The following HMCN2 variants were observed in gnomAD, a reference collection of about 807,000 sequenced individuals.
HMCN2 encodes the protein hemicentin-2.
In HMCN2, 325 loss-of-function variants were observed where a neutral mutation model predicts 377.5. The observed-to-expected ratio is 0.86, with a 90% CI of 0.79 to 0.94. The LOEUF (loss-of-function observed/expected upper bound fraction) is 0.94, where lower values mean the gene tolerates loss of function less well. Ranked by LOEUF, HMCN2 falls within the 40% of genes least tolerant of loss-of-function variation. The pLI, the probability that HMCN2 is intolerant of heterozygous loss-of-function variation, is 0.00. For missense variants in HMCN2, 4,543 were observed against 4,725.3 expected (o/e 0.96, Z 1.13); for synonymous variants, 2,007 against 2,046.8 (o/e 0.98, Z 0.53).
intron 2 of HMCN2, 85 bp downstream of exon 2, chr9:130,284,758 C>T: frequency 2.2e-6 from 1 of 459,464 alleles, no homozygotes; most frequent in Admixed American, 2.4e-5. Flanking sequence ...GAGTGATTCC[C>T]TCTTGCCCAG....
In HMCN2 at chr9:130,433,882, G is replaced by A. The variant is rs1844928437; in HGVS notation, c.*189G>A. 2 of 539,730 alleles carry A rather than the reference G, an allele frequency of 3.7e-6. No homozygotes were observed. The highest frequency in any genetic ancestry group is 4.0e-5 in the African/African-American group (2 of 49,646). The allele number at this position is 539,730 out of a possible 1,614,324, so 33.4% of individuals were successfully genotyped here. A position where few individuals can be genotyped will look rare whatever the true frequency, so the allele number is the denominator to read the frequency against. On this transcript the variant is annotated 3_prime_UTR_variant, in exon 98 of 98. Coordinates refer to ENST00000683500, the MANE Select transcript of HMCN2 (RefSeq NM_001291815.2). The stretch of plus-strand genomic sequence containing the variant: ...CCGACAGCGAGGACCTGACCTCACA[G>A]AGGGAGGCGTCCAGGGCGGCCCTTG...
In HMCN2 at chr9:130,374,665, G is replaced by A. The variant is rs1182107772; in HGVS notation, c.7602G>A (p.Lys2534=). Reference sequence around the variant, plus strand: ...TTGCAGCCAACGCTGTTGGGGAGAAGACCAAACACTTCCAGCTCAGTGTCC... The same window carrying A: ...TTGCAGCCAACGCTGTTGGGGAGAAAACCAAACACTTCCAGCTCAGTGTCC... ...SCIAANAVGE[K]TKHFQLSVLL... is the part of the protein sequence containing the mutation. Residue 2534 remains lysine (K), a synonymous_variant, in exon 49 of 98, where the codon AAG becomes AAA. Coordinates refer to ENST00000683500, the MANE Select transcript of HMCN2 (RefSeq NM_001291815.2). The A allele has an allele frequency of 1.0e-6, 1 of 985,650 alleles. No individual in the cohort carries two copies. Among genetic ancestry groups the A allele is most frequent in the Non-Finnish European group, 1.2e-6 (1 of 829,946 alleles). The allele number at this position is 985,650 out of a possible 1,614,324, so 61.1% of individuals were successfully genotyped here.
intron 83 of HMCN2, 79 bp from the exon 84 acceptor site, chr9:130,408,664 C>G: frequency 9.4e-7 from 1 of 1,061,582 alleles, no homozygotes; most frequent in African/African-American, 1.6e-5. Flanking sequence ...AGGAGTTGGG[C>G]AGTCCTTTGG....
At position 130,418,965 on chromosome 9, in the gene HMCN2, G is replaced by C; in HGVS notation, c.13155G>C (p.Gly4385=). The C allele has an allele frequency of 6.5e-7, 1 of 1,530,706 alleles. No homozygotes were observed. The highest frequency in any genetic ancestry group is 8.8e-7 in the Non-Finnish European group (1 of 1,136,504). 94.8% of individuals were successfully genotyped at this position (1,530,706 alleles called of 1,614,324 possible). ...GSLWLENVET[G]DAGTYDCVAH... is the part of the protein sequence containing the mutation. ...TGTGGCTGGAGAACGTGGAGACTGG[G>C]GATGCAGGCACCTACGACTGCGTCG... The change falls in exon 86 of 98, where the codon GGG becomes GGC. Residue 4385 remains glycine, a synonymous_variant. Transcript: ENST00000683500.
intron 43 of HMCN2, among the ~76,000 whole-genome samples, chr9:130,367,958 A>G (rs1010797952): frequency 6.9e-6 from 1 of 143,988 alleles, no homozygotes; most frequent in African/African-American, 2.6e-5. Context: ...AAAAAAAAAA[A>G]AAAAAGGGAT....
chr9:130,343,472 GCT>G (rs1403174636), intron 25 of HMCN2, among the ~76,000 whole-genome samples: 2 of 152,182 alleles, frequency 1.3e-5, no homozygotes, highest in Non-Finnish European at 2.9e-5. Context: ...CTGGGTGGGA[GCT>G]CTGGGAGCCC....
At chr9:130,312,283 C>T (rs1837286050) in intron 15 of HMCN2, among the ~76,000 whole-genome samples, 3 of 151,820 alleles carry the variant, frequency 2.0e-5, no homozygotes, top group East Asian at 2.0e-4. Context: ...CAAAATGAGA[C>T]GTTGTGTGAG....
At chr9:130,370,694 G>C (rs1181590218) in intron 45 of HMCN2, among the ~76,000 whole-genome samples, 2 of 152,192 alleles carry the variant, frequency 1.3e-5, no homozygotes, top group Non-Finnish European at 2.9e-5. Flanking sequence ...GCACTTTCAC[G>C]TGTTCCTGTT....
intron 81 of HMCN2, among the ~76,000 whole-genome samples, chr9:130,405,320 A>T (rs1050482225): frequency 5.9e-5 from 9 of 152,220 alleles, no homozygotes; most frequent in Non-Finnish European, 1.5e-5. Flanking sequence ...GGGCTCAGGG[A>T]TACGGTGATG....
At position 130,433,447 on chromosome 9, in the gene HMCN2, C is replaced by A; in HGVS notation, c.14994C>A (p.His4998Gln). The change falls in exon 98 of 98, where the codon CAC becomes CAA. Residue 4998 changes from histidine (H) to glutamine (Q), a missense_variant. Coordinates refer to ENST00000683500, the MANE Select transcript of HMCN2 (RefSeq NM_001291815.2). Reference protein sequence around the residue: ...LPLPLGVRAHHDVARLTAFSE... With the variant: ...LPLPLGVRAHQDVARLTAFSE... ...TGCCCCTGGGCGTGCGCGCCCACCA[C>A]GACGTGGCCCGCCTCACCGCCTTCT... is the stretch of plus-strand genomic sequence containing the variant. 3 of 1,498,210 alleles carry A rather than the reference C, an allele frequency of 2.0e-6. No individual in the cohort carries two copies. Among genetic ancestry groups the A allele is most frequent in the Non-Finnish European group, 2.7e-6 (3 of 1,131,682 alleles). The allele number at this position is 1,498,210 out of a possible 1,614,324, so 92.8% of individuals were successfully genotyped here.
In HMCN2 at chr9:130,364,937, G is replaced by A. The variant is rs934885442; in HGVS notation, c.6408+48G>A. ...AAGCAGGCCTCCACCTCGGCCCAAG[G>A]GCAGGGTGGGGCCTGCAGGTGCCCC... On this transcript the variant is annotated intron_variant, in intron 41 of 97. Transcript: ENST00000683500. The A allele has an allele frequency of 1.4e-5, 14 of 973,460 alleles. No individual in the cohort carries two copies. The Admixed American group carries it at 3.1e-4, about 21-fold the overall frequency. 60.3% of individuals were successfully genotyped at this position (973,460 alleles called of 1,614,324 possible). A position where few individuals can be genotyped will look rare whatever the true frequency, so the allele number is the denominator to read the frequency against.
rs993655349 is a variant in HMCN2, at chr9:130,347,523, G to C, written c.4024+163G>C. On this transcript the variant is annotated intron_variant, in intron 26 of 97. Transcript: ENST00000683500. The surrounding 1 kb of genome is among the most constrained non-coding windows in gnomAD (Gnocchi z 5.1). ...GGTGTGGCAGTGCCAGTTCCCCGGG[G>C]CCTGAAAGCTTCCTACACAGGAGAA... is the stretch of plus-strand genomic sequence containing the variant. Among the ~76,000 whole-genome samples the C allele has an allele frequency of 0.11, 17,201 of 152,214 alleles. 1,066 individuals are homozygous for C. Among genetic ancestry groups the C allele is most frequent in the East Asian group, 0.19 (996 of 5,174 alleles).
chr9:130,348,501 TA>T, intron 26 of HMCN2, 43 bp from the exon 27 acceptor site: 1 of 1,297,366 alleles, frequency 7.7e-7, no homozygotes, highest in Non-Finnish European at 1.0e-6. Flanking sequence ...GCTGTGGCTC[TA>T]AGGGGGCAGG....
intron 1 of HMCN2, among the ~76,000 whole-genome samples, chr9:130,269,638 G>A (rs1554920406): frequency 6.7e-6 from 1 of 148,604 alleles, no homozygotes; most frequent in African/African-American, 2.4e-5. Flanking sequence ...TCAATTGCTA[G>A]TGAGGTTCAA....
rs1844310018 is a variant in HMCN2, at chr9:130,425,791, C to T, written c.13746C>T (p.His4582=). 2 of 1,550,570 alleles carry T rather than the reference C, an allele frequency of 1.3e-6. No homozygotes were observed. The highest frequency in any genetic ancestry group is 2.4e-5 in the South Asian group (2 of 84,060). Residue 4582 remains histidine (H), a synonymous_variant, in exon 90 of 98, where the codon CAC becomes CAT. Coordinates refer to ENST00000683500, the MANE Select transcript of HMCN2 (RefSeq NM_001291815.2). ...GGLPSFLRCN[H]SIQYNAARGP... ...TCCCCTCGTTCCTACGCTGCAACCACAGCATCCAGTACAACGCGGCCCGGG... is the reference window on the plus strand; with the variant it reads ...TCCCCTCGTTCCTACGCTGCAACCATAGCATCCAGTACAACGCGGCCCGGG...
chr9:130,345,348 TGTG>T (rs1170844195), intron 25 of HMCN2, among the ~76,000 whole-genome samples: 2 of 141,242 alleles, frequency 1.4e-5, no homozygotes, highest in African/African-American at 5.5e-5. Flanking sequence ...ATGTTTGTGG[TGTG>T]TGGTGTGTAT....
rs781946791 is a variant in HMCN2 at position 130,306,198 on chromosome 9, G to C, written c.1886G>C (p.Cys629Ser). The C allele has an allele frequency of 4.9e-4, 230 of 470,978 alleles. 3 individuals carry two copies. Among genetic ancestry groups the C allele is most frequent in the Admixed American group, 2.7e-3 (114 of 42,564 alleles). 29.2% of individuals were successfully genotyped at this position (470,978 alleles called of 1,614,324 possible). Reference sequence around the variant, plus strand: ...CAAGGTGTGGAGGTGAAGGTCAGCTGCTCAGCCTCTGGATACCCCACACCC... The same window carrying C: ...CAAGGTGTGGAGGTGAAGGTCAGCTCCTCAGCCTCTGGATACCCCACACCC... ...FSQGVEVKVS[C>S]SASGYPTPHI... is the part of the protein sequence containing the mutation. The change falls in exon 12 of 98, where the codon TGC (cysteine) becomes TCC (serine). Residue 629 changes from cysteine (C) to serine (S), a missense_variant. Around this residue, in one of 5 missense-constraint regions of HMCN2, gnomAD observed 547 missense variants for 189.9 expected, o/e 2.88. Transcript: ENST00000683500.
At chr9:130,272,985 G>A (rs562912571) in intron 1 of HMCN2, among the ~76,000 whole-genome samples, 79 of 152,224 alleles carry the variant, frequency 5.2e-4, no homozygotes, top group African/African-American at 1.8e-3. Context: ...TCTTGGAATT[G>A]TGTTAAATCT....
rs1438048502 is a variant in HMCN2 at position 130,392,127 on chromosome 9, G to A, written c.10136+9G>A. The A allele has an allele frequency of 1.0e-6, 1 of 988,146 alleles. No individual in the cohort carries two copies. Among genetic ancestry groups the A allele is most frequent in the African/African-American group, 1.7e-5 (1 of 57,446 alleles). 61.2% of individuals were successfully genotyped at this position (988,146 alleles called of 1,614,324 possible). A position where few individuals can be genotyped will look rare whatever the true frequency, so the allele number is the denominator to read the frequency against. On this transcript the variant is annotated intron_variant, in intron 66 of 97. Transcript: ENST00000683500. The stretch of plus-strand genomic sequence containing the variant: ...TCTGGCCACACCCTCAGGTAGGGGA[G>A]ACGGTGGACAGGCCTTGGCTATTCC...
Sources: allele counts gnomAD v4.1 joint callset (sites outside exome capture counted in the v4.1 genomes callset), GRCh38; gene constraint gnomAD v4.1.1; regional missense constraint gnomAD v4.1.1; non-coding constraint Gnocchi (gnomAD v3.1); transcripts MANE v1.5; gene names NCBI Gene and HGNC (gene_info 2026-07-23, HGNC 2026-07-21).